VPS50: variants seen among roughly 807,000 people sequenced by gnomAD.
VPS50 encodes the protein syndetin.
A neutral mutation model predicts 139.7 loss-of-function variants in VPS50; 70 were observed. The observed-to-expected ratio is 0.50, with a 90% CI of 0.41 to 0.61. The LOEUF (loss-of-function observed/expected upper bound fraction) is 0.61, where lower values mean the gene tolerates loss of function less well. Ranked by LOEUF, VPS50 falls within the 20% of genes least tolerant of loss-of-function variation. The pLI is 0.00. For missense variants in VPS50, 921 were observed against 1,133.7 expected (o/e 0.81, Z 2.69); for synonymous variants, 365 against 376.7 (o/e 0.97, Z 0.36).
chr7:93,354,408 C>T (rs1372710681), intron 26 of VPS50, among the ~76,000 whole-genome samples: 3 of 151,884 alleles, frequency 2.0e-5, no homozygotes, highest in Non-Finnish European at 4.4e-5. Flanking sequence ...ATTCTTGTGC[C>T]TCAGCCTCCT....
chr7:93,286,221 T>C (rs917296227), intron 12 of VPS50, among the ~76,000 whole-genome samples: 6 of 152,204 alleles, frequency 3.9e-5, no homozygotes, highest in African/African-American at 1.4e-4. Flanking sequence ...ATATGTTATT[T>C]AGCTCTTGGG....
intron 27 of VPS50, 169 bp downstream of exon 27, chr7:93,356,249 C>T (rs975443558): frequency 4.6e-5 from 17 of 368,880 alleles, no homozygotes; most frequent in Middle Eastern, 7.5e-4. Flanking sequence ...TTAAGGGCAC[C>T]GTATCTAAGC....
chr7:93,325,001 CAA>C (rs1208247919), intron 21 of VPS50, among the ~76,000 whole-genome samples: 1 of 151,904 alleles, frequency 6.6e-6, no homozygotes, highest in South Asian at 2.1e-4. Flanking sequence ...AATCCTAAGC[CAA>C]AAGAACAAAG....
At chr7:93,342,243 C>T (rs1457498788) in intron 23 of VPS50, among the ~76,000 whole-genome samples, 2 of 152,198 alleles carry the variant, frequency 1.3e-5, no homozygotes, top group Non-Finnish European at 2.9e-5. Flanking sequence ...CTGGGTCACT[C>T]CCACCCGAAT....
intron 20 of VPS50, among the ~76,000 whole-genome samples, chr7:93,315,113 TG>T (rs975810716): frequency 5.9e-5 from 9 of 152,144 alleles, no homozygotes; most frequent in African/African-American, 2.2e-4. Flanking sequence ...TATTTTTTTT[TG>T]TTGTTGTTTT....
Position 93,296,742 on chromosome 7 carries a change from G to A in VPS50, c.1168G>A (p.Asp390Asn). The change falls in exon 15 of 28, where the codon GAT (aspartate) becomes AAT (asparagine). Residue 390 changes from aspartate to asparagine, a missense_variant and splice_region_variant. Asp to Asn is a conservative substitution (Grantham distance 23). Around this residue, in one of 3 missense-constraint regions of VPS50, gnomAD observed 744 missense variants for 930.6 expected, o/e 0.80. Transcript: ENST00000305866. Reference sequence around the variant, plus strand: ...GATTTTCTTTTTCTTTGCCTTACAGGATGTTCAGCTAAAAGTAAAAACCTA... The same window carrying A: ...GATTTTCTTTTTCTTTGCCTTACAGAATGTTCAGCTAAAAGTAAAAACCTA... Reference protein sequence around the residue: ...LEHGLTRIWQDVQLKVKTYLL... With the variant: ...LEHGLTRIWQNVQLKVKTYLL... 6.2e-7 allele frequency: 1 copy of A among 1,600,330 alleles called. No individual in the cohort carries two copies. The highest frequency in any genetic ancestry group is 8.5e-7 in the Non-Finnish European group (1 of 1,177,056).
rs753547704 is a variant in VPS50, at chr7:93,358,429, A to T, written c.2888A>T (p.Lys963Ile). 1.2e-6 allele frequency: 2 copies of T among 1,611,132 alleles called. No individual in the cohort carries two copies. Among genetic ancestry groups the T allele is most frequent in the South Asian group, 2.2e-5 (2 of 90,876 alleles). Residue 963 changes from lysine to isoleucine, a missense_variant, in exon 28 of 28, where the codon AAA becomes ATA. Lys to Ile is a moderately radical substitution (Grantham distance 102). Coordinates refer to ENST00000305866, the MANE Select transcript of VPS50 (RefSeq NM_017667.4). ...LAAIDDIDRP[K>I]R ...GCTATAGATGATATAGACAGACCTA[A>T]AAGATAATGAACACAGCTCTCTTTC... is the stretch of plus-strand genomic sequence containing the variant.
chr7:93,324,191 A>G (rs1232371400), intron 21 of VPS50, among the ~76,000 whole-genome samples: 1 of 152,240 alleles, frequency 6.6e-6, no homozygotes, highest in Non-Finnish European at 1.5e-5. Flanking sequence ...TTTTGGGCTG[A>G]GACAATGGGG....
intron 2 of VPS50, among the ~76,000 whole-genome samples, chr7:93,247,904 C>A (rs1353624657): frequency 6.6e-6 from 1 of 151,782 alleles, no homozygotes; most frequent in Non-Finnish European, 1.5e-5. Flanking sequence ...TATTCCAATT[C>A]ATTACTTTAA....
intron 2 of VPS50, among the ~76,000 whole-genome samples, chr7:93,244,974 C>T (rs1256257902): frequency 6.6e-6 from 1 of 151,756 alleles, no homozygotes; most frequent in Non-Finnish European, 1.5e-5. Flanking sequence ...TCATACAGTC[C>T]ATTTGGCAAA....
At position 93,245,863 on chromosome 7, in the gene VPS50, T is replaced by C. The variant is rs188969436; in HGVS notation, c.102+5929T>C. Reference sequence around the variant, plus strand: ...TTTAGGAGAACGTGCCATTTCCTCATGTAATCAGACATCTGGCCATTCATT... The same window carrying C: ...TTTAGGAGAACGTGCCATTTCCTCACGTAATCAGACATCTGGCCATTCATT... On this transcript the variant is annotated intron_variant, in intron 2 of 27. Transcript: ENST00000305866. 2.2e-3 allele frequency among the ~76,000 whole-genome samples: 327 copies of C among 152,006 alleles called. 1 individual carries two copies. The highest frequency in any genetic ancestry group is 7.4e-3 in the African/African-American group (309 of 41,544).
intron 9 of VPS50, among the ~76,000 whole-genome samples, chr7:93,260,356 G>A (rs1795627559): frequency 6.6e-6 from 1 of 152,072 alleles, no homozygotes; most frequent in African/African-American, 2.4e-5. Context: ...TAGTGTGCTT[G>A]CCAAACAAAT....
intron 21 of VPS50, among the ~76,000 whole-genome samples, chr7:93,325,890 G>A (rs969186939): frequency 3.4e-4 from 52 of 151,174 alleles, no homozygotes; most frequent in Admixed American, 1.8e-3. Flanking sequence ...TCAGTGTGGC[G>A]ATTCCTCAGG....
chr7:93,311,625 G>A (rs1205172979), intron 20 of VPS50, among the ~76,000 whole-genome samples: 20 of 152,048 alleles, frequency 1.3e-4, no homozygotes. Context: ...GTACTTAGTT[G>A]TTTCATAGGT....
intron 9 of VPS50, among the ~76,000 whole-genome samples, chr7:93,262,355 A>G (rs1221071406): frequency 1.3e-5 from 2 of 152,238 alleles, no homozygotes; most frequent in Admixed American, 6.5e-5. Context: ...ATTGATATCA[A>G]GTGGCTTCTC....
intron 2 of VPS50, chr7:93,245,974 C>G: frequency 1.6e-6 from 1 of 643,912 alleles, no homozygotes; most frequent in East Asian, 2.7e-5. Context: ...GAGATAAAAT[C>G]TATTTCTGTT....
chr7:93,305,368 C>G (rs1797085103), intron 17 of VPS50, among the ~76,000 whole-genome samples: 1 of 152,040 alleles, frequency 6.6e-6, no homozygotes, highest in South Asian at 2.1e-4. Context: ...GTCAATGTAA[C>G]ACAGATATGT....
chr7:93,296,397 T>A (rs1483618280), intron 14 of VPS50, among the ~76,000 whole-genome samples: 1 of 152,202 alleles, frequency 6.6e-6, no homozygotes, highest in Non-Finnish European at 1.5e-5. Context: ...AGATATGATT[T>A]GTTTCTGACT....
chr7:93,293,650 C>T (rs562051226), intron 13 of VPS50, among the ~76,000 whole-genome samples: 466 of 152,290 alleles, frequency 3.1e-3, no homozygotes, highest in Non-Finnish European at 5.1e-3. Flanking sequence ...TAGACTTTAT[C>T]TGCTGTATCT....
Sources: gnomAD v4.1 joint callset for allele counts (sites outside exome capture counted in the v4.1 genomes callset) on GRCh38, gnomAD v4.1.1 for gene constraint, gnomAD v4.1.1 regional missense constraint, MANE v1.5 for transcripts, NCBI Gene and HGNC (gene_info 2026-07-23, HGNC 2026-07-21) for gene names.